The following PRELID2 variants were observed in gnomAD, a reference collection of about 807,000 sequenced individuals.
PRELID2 encodes the protein PRELI domain-containing protein 2.
In PRELID2, 25 loss-of-function variants were observed where a neutral mutation model predicts 28.4. The ratio of observed to expected loss-of-function variants is 0.88; its 90% CI spans 0.64 to 1.23. The LOEUF (loss-of-function observed/expected upper bound fraction) is 1.23. Ranked by LOEUF, PRELID2 falls within the 50% of genes most tolerant of loss-of-function variation. The pLI is 0.00. For synonymous variants in PRELID2, 76 were observed against 71.6 expected (o/e 1.06, Z -0.31); for missense variants, 201 against 214.4 (o/e 0.94, Z 0.39).
the PRELID2 span, among the ~76,000 whole-genome samples, chr5:145,409,096 G>T: frequency 6.6e-6 from 1 of 152,130 alleles, no homozygotes; most frequent in Non-Finnish European, 1.5e-5. Flanking sequence ...TTGTCAGCCA[G>T]GAGTTTTGTA....
Position 145,816,640 on chromosome 5 carries a change from C to T in PRELID2, c.368+1254G>A, listed in dbSNP as rs116113377. Among the ~76,000 whole-genome samples, 1,495 of 152,072 alleles carry T rather than the reference C, an allele frequency of 9.8e-3. 17 individuals are homozygous for T. Among genetic ancestry groups the T allele is most frequent in the African/African-American group, 0.033 (1,376 of 41,494 alleles). On this transcript the variant is annotated intron_variant, in intron 4 of 6. Coordinates refer to ENST00000683046, the MANE Select transcript of PRELID2 (RefSeq NM_205846.3). Reference sequence around the variant, plus strand: ...AGGTAGGGATCTAAATTCATTCTTTCGTATGTGGATATCCAGTTATCTCAG... The same window carrying T: ...AGGTAGGGATCTAAATTCATTCTTTTGTATGTGGATATCCAGTTATCTCAG...
chr5:145,371,883 ATT>A, the PRELID2 span, among the ~76,000 whole-genome samples: 5 of 75,142 alleles, frequency 6.7e-5, no homozygotes, highest in African/African-American at 2.4e-4. Flanking sequence ...TATTTTGTTA[ATT>A]TAAAAAAAAA....
chr5:145,423,502 A>T, the PRELID2 span, among the ~76,000 whole-genome samples: 2 of 151,386 alleles, frequency 1.3e-5, no homozygotes, highest in Non-Finnish European at 2.9e-5. Context: ...TCCATCACTG[A>T]TACCCTTTCT....
chr5:145,276,539 G>A, the PRELID2 span, among the ~76,000 whole-genome samples: 1 of 152,022 alleles, frequency 6.6e-6, no homozygotes, highest in Non-Finnish European at 1.5e-5. Flanking sequence ...CTATCCCTAA[G>A]GTTAATAGTG....
the PRELID2 span, among the ~76,000 whole-genome samples, chr5:145,253,516 T>C: frequency 6.6e-6 from 1 of 152,070 alleles, no homozygotes; most frequent in Non-Finnish European, 1.5e-5. Context: ...TTTTCTCCTT[T>C]GCATTCATCA....
intron 1 of PRELID2, among the ~76,000 whole-genome samples, chr5:145,541,928 G>T (rs1752748167): frequency 6.6e-6 from 1 of 151,956 alleles, no homozygotes; most frequent in Non-Finnish European, 1.5e-5. Context: ...TATGTAAGTA[G>T]AACAGAAGAA....
chr5:145,688,748 G>A (rs1755086700), intron 1 of PRELID2, among the ~76,000 whole-genome samples: 1 of 152,188 alleles, frequency 6.6e-6, no homozygotes, highest in Non-Finnish European at 1.5e-5. Flanking sequence ...AGCGTAAGGT[G>A]CAAACTTGCA....
At chr5:145,318,595 C>T in the PRELID2 span, among the ~76,000 whole-genome samples, 2 of 152,194 alleles carry the variant, frequency 1.3e-5, no homozygotes, top group African/African-American at 2.4e-5. Flanking sequence ...TGTGGCTTGT[C>T]TGTTTGGCTG....
At chr5:145,788,411 T>A (rs1752141726) in intron 5 of PRELID2, among the ~76,000 whole-genome samples, 1 of 152,154 alleles carries the variant, frequency 6.6e-6, no homozygotes, top group South Asian at 2.1e-4. Flanking sequence ...GCACATGAAA[T>A]CTAGGCTGAG....
chr5:145,327,554 C>G, the PRELID2 span, among the ~76,000 whole-genome samples: 12 of 151,958 alleles, frequency 7.9e-5, no homozygotes, highest in Non-Finnish European at 1.6e-4. Flanking sequence ...TGGATCTTGT[C>G]TTTTAATTCA....
chr5:145,429,212 T>C, the PRELID2 span, among the ~76,000 whole-genome samples: 1 of 152,176 alleles, frequency 6.6e-6, no homozygotes, highest in Non-Finnish European at 1.5e-5. Flanking sequence ...CAGATTAGGA[T>C]GGTTTGAACC....
the PRELID2 span, among the ~76,000 whole-genome samples, chr5:145,265,890 C>T: frequency 1.3e-5 from 2 of 152,198 alleles, no homozygotes; most frequent in Admixed American, 6.5e-5. Context: ...CCCTTCTAGA[C>T]ATTGATTTAG....
the PRELID2 span, among the ~76,000 whole-genome samples, chr5:145,280,856 G>A: frequency 1.3e-5 from 2 of 151,370 alleles, no homozygotes; most frequent in Non-Finnish European, 2.9e-5. Context: ...GCAGATTTCT[G>A]GATTACTCAG....
chr5:145,754,315 T>C (rs536390848), downstream of PRELID2: 2 of 152,272 alleles, frequency 1.3e-5, no homozygotes, highest in African/African-American at 2.4e-5. Flanking sequence ...CACAAACCTA[T>C]GTGTTTCTGC....
At chr5:145,437,818 A>G in the PRELID2 span, among the ~76,000 whole-genome samples, 1 of 152,124 alleles carries the variant, frequency 6.6e-6, no homozygotes, top group Non-Finnish European at 1.5e-5. Context: ...TCATGCTGCT[A>G]TTAAAGAAAT....
rs1328695707 is a variant in PRELID2, at chr5:145,600,451, A to ATATATATATG, written n.71-127137_71-127136insCATATATATA. 5.7e-3 allele frequency among the ~76,000 whole-genome samples: 781 copies of ATATATATATG among 138,102 alleles called. 9 individuals carry two copies. The highest frequency in any genetic ancestry group is 0.014 in the African/African-American group (437 of 32,292). 90.6% of individuals were successfully genotyped at this position (138,102 alleles called of 152,430 possible). ...AAAAAAAAAATATATATATATATAT[A>ATATATATATG]TATGTATCTCACAGGTGTGATGGGG... On this transcript the variant is annotated intron_variant and non_coding_transcript_variant, in intron 1 of 2. Coordinates refer to the PRELID2 transcript ENST00000510259.
chr5:145,260,651 G>A, the PRELID2 span, among the ~76,000 whole-genome samples: 2,234 of 152,302 alleles, frequency 0.015, 49 homozygotes, highest in African/African-American at 0.049. Flanking sequence ...CATGCAATGT[G>A]TAATAATCAC....
At chr5:145,733,337 T>C (rs1450051421) in intron 1 of PRELID2, among the ~76,000 whole-genome samples, 1 of 152,150 alleles carries the variant, frequency 6.6e-6, no homozygotes, top group Non-Finnish European at 1.5e-5. Flanking sequence ...ATCCATTCTC[T>C]AGCCTCAGAA....
intron 1 of PRELID2, among the ~76,000 whole-genome samples, chr5:145,738,836 T>A (rs1024519889): frequency 6.6e-6 from 1 of 152,098 alleles, no homozygotes; most frequent in Non-Finnish European, 1.5e-5. Flanking sequence ...TTCAAGAAGA[T>A]GAGTGTTTCT....
Sources: gnomAD v4.1 joint callset for allele counts (sites outside exome capture counted in the v4.1 genomes callset) on GRCh38, gnomAD v4.1.1 for gene constraint, MANE v1.5 for transcripts, NCBI Gene and HGNC (gene_info 2026-07-23, HGNC 2026-07-21) for gene names.